Variants in UBLCP1 observed in about 807,000 individuals in gnomAD.
UBLCP1 encodes the protein ubiquitin like domain containing CTD phosphatase 1.
Under a neutral mutation model 42.4 loss-of-function variants are expected in UBLCP1, and 28 were observed. The ratio of observed to expected loss-of-function variants is 0.66; its 90% CI spans 0.49 to 0.90. UBLCP1 has a LOEUF of 0.90. UBLCP1 is among the 40% of genes least tolerant of loss of function. The pLI is 0.00. For synonymous variants in UBLCP1, 122 were observed against 120.8 expected, an observed-to-expected ratio of 1.01 and a Z score of -0.07; for missense variants, 279 against 374.5, an observed-to-expected ratio of 0.75 and a Z score of 2.10.
At chr5:159,269,185 GTCTC>G (rs1230283481) in intron 2 of UBLCP1, 116 bp downstream of exon 2, 5 of 747,540 alleles carry the variant, frequency 6.7e-6, no homozygotes, top group Admixed American at 4.3e-5. Flanking sequence ...AGTTTAGTAA[GTCTC>G]TCCCTTTCGA....
intron 1 of UBLCP1, among the ~76,000 whole-genome samples, chr5:159,264,938 C>T (rs980285901): frequency 2.0e-5 from 3 of 152,168 alleles, no homozygotes; most frequent in East Asian, 3.9e-4. Flanking sequence ...TTCTAGCTCT[C>T]GTAGGATTCC....
intron 1 of UBLCP1, among the ~76,000 whole-genome samples, chr5:159,268,543 A>G (rs968565972): frequency 6.6e-6 from 1 of 152,236 alleles, no homozygotes; most frequent in Non-Finnish European, 1.5e-5. Context: ...ATGAACATGG[A>G]TGGTCTGTCA....
chr5:159,269,878 T>G (rs753753112), intron 2 of UBLCP1, 30 bp from the exon 3 acceptor site: 2 of 1,572,280 alleles, frequency 1.3e-6, no homozygotes, highest in Non-Finnish European at 1.7e-6. Context: ...TGAACTTTAG[T>G]GAGAAAACAG....
intron 1 of UBLCP1, among the ~76,000 whole-genome samples, chr5:159,265,914 C>T (rs779324213): frequency 6.6e-6 from 1 of 152,100 alleles, no homozygotes; most frequent in African/African-American, 2.4e-5. Flanking sequence ...GAACTCCTGA[C>T]CTAAGGTGAT....
At chr5:159,272,176 A>T (rs1753476462) in intron 6 of UBLCP1, 55 bp downstream of exon 6, 2 of 1,374,060 alleles carry the variant, frequency 1.5e-6, no homozygotes, top group Admixed American at 1.7e-5. Flanking sequence ...TCCATATATT[A>T]TTGTGCTGTA....
intron 8 of UBLCP1, among the ~76,000 whole-genome samples, chr5:159,277,185 G>C (rs1261532387): frequency 6.6e-6 from 1 of 151,152 alleles, no homozygotes; most frequent in Non-Finnish European, 1.5e-5. Context: ...GGAGTAGGGG[G>C]CGGTTTCTAT....
chr5:159,272,061 C>A lies in UBLCP1; in HGVS notation c.487C>A (p.Arg163=), dbSNP rs552101899. 1.7e-5 allele frequency: 28 copies of A among 1,612,988 alleles called. No homozygotes were observed. The highest frequency in any genetic ancestry group is 2.0e-5 in the Non-Finnish European group (24 of 1,179,644). Residue 163 remains arginine, a synonymous_variant, in exon 6 of 11, where the codon CGG becomes AGG. Coordinates refer to ENST00000296786, the MANE Select transcript of UBLCP1 (RefSeq NM_145049.5). ...SCAETGVELM[R]PYLHEFLTSA... is the part of the protein sequence containing the mutation. ...TGCAGAGACTGGGGTAGAATTAATG[C>A]GGCCATATCTTCATGAATTTCTAAC...
chr5:159,272,871 T>C (rs1753487618), intron 6 of UBLCP1, among the ~76,000 whole-genome samples: 2 of 152,254 alleles, frequency 1.3e-5, no homozygotes, highest in Admixed American at 6.5e-5. Context: ...CGTTTTTTGG[T>C]AGCAAGATTT....
chr5:159,278,490 ATAAT>A (rs1753564956), intron 9 of UBLCP1, 136 bp downstream of exon 9: 4 of 701,592 alleles, frequency 5.7e-6, no homozygotes, highest in Non-Finnish European at 1.0e-5. Context: ...AAGTTTAAGA[ATAAT>A]TCATATAGAA....
At chr5:159,277,220 C>T (rs1413969761) in intron 8 of UBLCP1, among the ~76,000 whole-genome samples, 1 of 147,088 alleles carries the variant, frequency 6.8e-6, no homozygotes, top group Middle Eastern at 3.5e-3. Context: ...AGATCAGTAG[C>T]AAAAAAAAAT....
At chr5:159,282,954 A>G (rs1365774611) in intron 9 of UBLCP1, among the ~76,000 whole-genome samples, 1 of 152,120 alleles carries the variant, frequency 6.6e-6, no homozygotes, top group Non-Finnish European at 1.5e-5. Flanking sequence ...GTAGCTGTGT[A>G]TGGATTCAAG....
intron 9 of UBLCP1, 39 bp from the exon 10 acceptor site, chr5:159,283,173 C>G: frequency 6.4e-7 from 1 of 1,566,656 alleles, no homozygotes; most frequent in South Asian, 1.2e-5. Flanking sequence ...TTTTCCTTAT[C>G]ACATTGTGAT....
chr5:159,275,367 A>T, intron 8 of UBLCP1, 121 bp downstream of exon 8: 1 of 432,272 alleles, frequency 2.3e-6, no homozygotes, highest in Admixed American at 4.1e-5. Flanking sequence ...AAAGTGGTTG[A>T]GTTTTGACAT....
At chr5:159,265,783 TC>T (rs1753382725) in intron 1 of UBLCP1, among the ~76,000 whole-genome samples, 1 of 152,196 alleles carries the variant, frequency 6.6e-6, no homozygotes, top group Admixed American at 6.5e-5. Flanking sequence ...TTCTGAGGCC[TC>T]CCTAGCCATT....
intron 6 of UBLCP1, among the ~76,000 whole-genome samples, chr5:159,273,110 C>T (rs1055998547): frequency 1.3e-5 from 2 of 151,988 alleles, no homozygotes; most frequent in African/African-American, 4.8e-5. Context: ...AGAGTACTTC[C>T]GTTGTTTGTG....
chr5:159,268,830 G>A, intron 1 of UBLCP1, 40 bp from the exon 2 acceptor site: 2 of 1,429,340 alleles, frequency 1.4e-6, no homozygotes, highest in Admixed American at 2.2e-5. Context: ...TCAATAAACA[G>A]TATCTATTTT....
Position 159,278,258 on chromosome 5 carries a change from A to G in UBLCP1, c.705A>G (p.Ile235Met), listed in dbSNP as rs1753562555. ...CTAAGGTAAAGCCTCTTGGTGTTAT[A>G]TGGGGAAAGTTTTCGGAGTTTTACA... ...GLIDVKPLGV[I>M]WGKFSEFYSK... The change falls in exon 9 of 11, where the codon ATA becomes ATG. Residue 235 changes from isoleucine to methionine, a missense_variant. Physicochemically the swap from Ile to Met is conservative, Grantham distance 10. Transcript: ENST00000296786. 2 of 1,613,184 alleles carry G rather than the reference A, an allele frequency of 1.2e-6. No individual in the cohort carries two copies. Among genetic ancestry groups the G allele is most frequent in the Non-Finnish European group, 1.7e-6 (2 of 1,179,246 alleles).
chr5:159,270,324 TAATATGGTAGAACAAA>T lies in UBLCP1; in HGVS notation c.247-34_247-19del. 1 of 1,503,372 alleles carries T rather than the reference TAATATGGTAGAACAAA, an allele frequency of 6.7e-7. No homozygotes were observed. The highest frequency in any genetic ancestry group is 9.2e-7 in the Non-Finnish European group (1 of 1,085,316). The allele number at this position is 1,503,372 out of a possible 1,614,324, so 93.1% of individuals were successfully genotyped here. ...ATGCATGTATTTGTTATATTAAGGA[TAATATGGTAGAACAAA>T]ACTTTTTCCATCTTAATAGGAAGAT... On this transcript the variant is annotated intron_variant, in intron 3 of 10. Transcript: ENST00000296786.
rs1753629604 is a variant in UBLCP1 at position 159,283,316 on chromosome 5, T to C, written c.906T>C (p.Asp302=). ...TAGCAAAATTAGATGACTTTTTGGA[T>C]CTAAATCACAAATATTGGGAAAGGT... ...KEIAKLDDFL[D]LNHKYWERYL... The change falls in exon 10 of 11, where the codon GAT becomes GAC. Residue 302 remains aspartate (D), a synonymous_variant. Coordinates refer to ENST00000296786, the MANE Select transcript of UBLCP1 (RefSeq NM_145049.5). 1 of 1,595,032 alleles carries C rather than the reference T, an allele frequency of 6.3e-7. No homozygotes were observed.
Sources: allele counts gnomAD v4.1 joint callset (sites outside exome capture counted in the v4.1 genomes callset), GRCh38; gene constraint gnomAD v4.1.1; transcripts MANE v1.5; gene names NCBI Gene and HGNC (gene_info 2026-07-23, HGNC 2026-07-21).